The following SEMA6D variants were observed in gnomAD, a reference collection of about 807,000 sequenced individuals.
SEMA6D encodes semaphorin-6D.
In SEMA6D, 35 loss-of-function variants were observed where a neutral mutation model predicts 106.6. The ratio of observed to expected loss-of-function variants is 0.33; its 90% CI spans 0.25 to 0.44. The LOEUF is 0.44. SEMA6D is among the 20% of genes least tolerant of loss of function. The pLI is 1.00. For missense variants in SEMA6D, 1,185 were observed against 1,345.9 expected, an observed-to-expected ratio of 0.88 and a Z score of 1.87; for synonymous variants, 499 against 487.7, an observed-to-expected ratio of 1.02 and a Z score of -0.31.
rs544696343 is a variant in SEMA6D, at chr15:47,721,156, G to A, written c.-55+3464G>A. On this transcript the variant is annotated intron_variant, in intron 1 of 18. Coordinates refer to ENST00000536845, the MANE Select transcript of SEMA6D (RefSeq NM_001358351.3). ...CTGTATTTTCAATAGAGCAAAAATA[G>A]AAGGAAATAAAGGATGGGAAAACAG... 7.9e-5 allele frequency among the ~76,000 whole-genome samples: 12 copies of A among 152,328 alleles called. No individual in the cohort carries two copies. In the South Asian group the frequency reaches 1.2e-3, roughly 16 times the overall value.
chr15:47,765,771 A>G (rs1457117132), intron 13 of SEMA6D, 98 bp from the exon 14 acceptor site: 2 of 1,194,872 alleles, frequency 1.7e-6, no homozygotes, highest in African/African-American at 1.6e-5. Flanking sequence ...TTTGTTACCA[A>G]GAATATTCCT....
chr15:47,227,460 C>CTTTCT (rs1344079201), intron 1 of SEMA6D, among the ~76,000 whole-genome samples: 5 of 120,830 alleles, frequency 4.1e-5, no homozygotes, highest in African/African-American at 1.4e-4. Context: ...TCTTTCTTTT[C>CTTTCT]TTTCTTTTTC....
chr15:47,395,594 G>C (rs1908796), intron 1 of SEMA6D: 39,265 of 152,170 alleles, frequency 0.26, 6,222 homozygotes, highest in East Asian at 0.49. Context: ...AGTCAAGAGA[G>C]GACCTGTCCA....
chr15:47,310,560 A>G (rs1171085505), intron 1 of SEMA6D, among the ~76,000 whole-genome samples: 2 of 148,462 alleles, frequency 1.3e-5, no homozygotes, highest in Admixed American at 6.9e-5. Context: ...TAATGCTGTC[A>G]ATATATTCAA....
chr15:47,229,226 G>A (rs1422163792), intron 1 of SEMA6D, among the ~76,000 whole-genome samples: 1 of 151,894 alleles, frequency 6.6e-6, no homozygotes, highest in East Asian at 1.9e-4. Flanking sequence ...TTTCTCCACA[G>A]ATAAAAATTC....
chr15:47,563,389 A>G (rs193281147), intron 3 of SEMA6D, among the ~76,000 whole-genome samples: 1 of 152,260 alleles, frequency 6.6e-6, no homozygotes, highest in Admixed American at 6.5e-5. Flanking sequence ...TATATAGGCC[A>G]CTCTTCTCAT....
Position 47,773,191 on chromosome 15 carries a change from CTT to C in SEMA6D, c.*1409_*1410del, listed in dbSNP as rs1016978354. On this transcript the variant is annotated 3_prime_UTR_variant, in exon 19 of 19. Coordinates refer to ENST00000536845, the MANE Select transcript of SEMA6D (RefSeq NM_001358351.3). ...TTTTCAACCAGCACCTAAAAAGACT[CTT>C]TTCAAAAAATCACAGAAACAACCTA... 3.9e-5 allele frequency: 6 copies of C among 152,632 alleles called. No individual in the cohort carries two copies. The highest frequency in any genetic ancestry group is 7.3e-5 in the Non-Finnish European group (5 of 68,030). 9.5% of individuals were successfully genotyped at this position (152,632 alleles called of 1,614,324 possible).
At chr15:47,663,131 G>C (rs996106306) in intron 4 of SEMA6D, among the ~76,000 whole-genome samples, 14 of 152,050 alleles carry the variant, frequency 9.2e-5, no homozygotes, top group Admixed American at 5.2e-4. Context: ...CGTTTATAAG[G>C]CATCTAACAG....
intron 1 of SEMA6D, among the ~76,000 whole-genome samples, chr15:47,239,684 C>T (rs1220555667): frequency 6.6e-6 from 1 of 152,136 alleles, no homozygotes; most frequent in East Asian, 1.9e-4. Flanking sequence ...GGCTCTGTTA[C>T]CATTGCATTG....
Position 47,761,333 on chromosome 15 carries a change from G to A in SEMA6D, c.349G>A (p.Glu117Lys). 1 of 1,612,412 alleles carries A rather than the reference G, an allele frequency of 6.2e-7. No individual in the cohort carries two copies. The highest frequency in any genetic ancestry group is 8.5e-7 in the Non-Finnish European group (1 of 1,179,372). Reference sequence around the variant, plus strand: ...ATGTAACTACTACTTTCTTTAGGATGAATGCCACAACTTTATCAAAGTATT... The same window carrying A: ...ATGTAACTACTACTTTCTTTAGGATAAATGCCACAACTTTATCAAAGTATT... ...NCAMKGKHKDECHNFIKVFVP... is the reference protein window; with the variant it reads ...NCAMKGKHKDKCHNFIKVFVP... The change falls in exon 6 of 19, where the codon GAA (glutamate) becomes AAA (lysine). Residue 117 changes from glutamate (E) to lysine (K), a missense_variant. Glu to Lys is a moderately conservative substitution (Grantham distance 56). Transcript: ENST00000536845.
At chr15:47,413,281 G>A (rs1559675) in intron 2 of SEMA6D, among the ~76,000 whole-genome samples, 95,524 of 151,844 alleles carry the variant, frequency 0.63, 30,487 homozygotes, top group Middle Eastern at 0.69. Flanking sequence ...AGTAGAAATT[G>A]CACCATGATA....
chr15:47,319,406 C>T (rs1487752361), intron 1 of SEMA6D, among the ~76,000 whole-genome samples: 1 of 152,168 alleles, frequency 6.6e-6, no homozygotes, highest in African/African-American at 2.4e-5. Flanking sequence ...AAATGGACAG[C>T]TGTAAGTAGG....
Position 47,542,563 on chromosome 15 carries a change from A to G in SEMA6D, c.-86-58302A>G, listed in dbSNP as rs147638104. Among the ~76,000 whole-genome samples, 7 of 152,294 alleles carry G rather than the reference A, an allele frequency of 4.6e-5. No homozygotes were observed. In the East Asian group the frequency reaches 1.2e-3, roughly 25 times the overall value. On this transcript the variant is annotated intron_variant, in intron 3 of 19. Transcript: ENST00000558014. ...GCAAGAGACCTGTTTTGGCTTAACA[A>G]CTTACCAAGCTAGAGGTTTCAGTAT...
chr15:47,695,432 G>T (rs1017645753), intron 4 of SEMA6D, among the ~76,000 whole-genome samples: 4 of 151,986 alleles, frequency 2.6e-5, no homozygotes, highest in Non-Finnish European at 5.9e-5. Context: ...GGTGCTCCTG[G>T]CTTAGCTTTG....
intron 2 of SEMA6D, among the ~76,000 whole-genome samples, chr15:47,443,719 C>A (rs899428358): frequency 6.6e-6 from 1 of 152,056 alleles, no homozygotes; most frequent in South Asian, 2.1e-4. Context: ...AAAGTAAGTG[C>A]AAAAATAACT....
chr15:47,382,221 G>C (rs1385777893), intron 1 of SEMA6D, among the ~76,000 whole-genome samples: 1 of 152,078 alleles, frequency 6.6e-6, no homozygotes, highest in African/African-American at 2.4e-5. Context: ...TTAAGAAGGG[G>C]ATCACTACTG....
chr15:47,286,509 G>T (rs1298131928), intron 1 of SEMA6D, among the ~76,000 whole-genome samples: 1 of 152,110 alleles, frequency 6.6e-6, no homozygotes, highest in African/African-American at 2.4e-5. Flanking sequence ...AATATTCCAT[G>T]TGAAGAGTGG....
At chr15:47,724,637 A>AG (rs1010642575) in intron 1 of SEMA6D, among the ~76,000 whole-genome samples, 3 of 148,642 alleles carry the variant, frequency 2.0e-5, no homozygotes, top group Admixed American at 2.0e-4. Flanking sequence ...GCAAAAGCCC[A>AG]GGGGTGGGGT....
At chr15:47,233,891 A>T (rs62013981) in intron 1 of SEMA6D, among the ~76,000 whole-genome samples, 3,108 of 151,978 alleles carry the variant, frequency 0.02, 61 homozygotes, top group African/African-American at 0.033. Flanking sequence ...TCTTTTTCAA[A>T]CTGCATGTCT....
Sources: gnomAD v4.1 joint callset for allele counts (sites outside exome capture counted in the v4.1 genomes callset) on GRCh38, gnomAD v4.1.1 for gene constraint, MANE v1.5 for transcripts, NCBI Gene and HGNC (gene_info 2026-07-23, HGNC 2026-07-21) for gene names.